The following MAGI3 variants were observed in gnomAD, a reference collection of about 807,000 sequenced individuals.
MAGI3 encodes membrane associated guanylate kinase, WW and PDZ domain containing 3, also known as membrane-associated guanylate kinase, WW and PDZ domain-containing protein 3.
A neutral mutation model predicts 121.8 loss-of-function variants in MAGI3; 43 were observed. That is an observed-to-expected ratio of 0.35 (90% CI 0.28 to 0.46). The LOEUF (loss-of-function observed/expected upper bound fraction) is 0.46, where lower values mean the gene tolerates loss of function less well. Ranked by LOEUF, MAGI3 falls within the 20% of genes least tolerant of loss-of-function variation. The probability of loss-of-function intolerance (pLI) is 1.00; values close to 1 mark genes in which losing one functional copy is unlikely to be tolerated. For synonymous variants in MAGI3, 553 were observed against 639.3 expected (o/e 0.86, Z 2.04); for missense variants, 1,547 against 1,797.3 (o/e 0.86, Z 2.52).
intron 1 of MAGI3, among the ~76,000 whole-genome samples, chr1:113,437,778 TTTC>T (rs1290331448): frequency 6.0e-5 from 9 of 151,240 alleles, no homozygotes; most frequent in South Asian, 2.1e-4. Context: ...TTCTTCCTTC[TTTC>T]TTCTTCTTCC....
intron 1 of MAGI3, among the ~76,000 whole-genome samples, chr1:113,437,907 TCTC>T (rs1653702286): frequency 1.4e-4 from 1 of 7,364 alleles, no homozygotes; most frequent in Non-Finnish European, 2.9e-4. Context: ...TCCTTCTCCT[TCTC>T]CTTCTCCTTC....
chr1:113,623,766 C>T (rs1466594079), intron 9 of MAGI3, among the ~76,000 whole-genome samples: 1 of 152,010 alleles, frequency 6.6e-6, no homozygotes, highest in East Asian at 1.9e-4. Context: ...AGATTACAGA[C>T]GTGAGCCACA....
chr1:113,637,262 T>A (rs1449135676), intron 9 of MAGI3, among the ~76,000 whole-genome samples: 1 of 152,234 alleles, frequency 6.6e-6, no homozygotes, highest in Non-Finnish European at 1.5e-5. Flanking sequence ...GTGAATTTGA[T>A]CCTGTCATTA....
intron 5 of MAGI3, 83 bp from the exon 6 acceptor site, chr1:113,594,389 ATCATGTCTT>A: frequency 1.4e-6 from 1 of 724,630 alleles, no homozygotes; most frequent in Non-Finnish European, 2.1e-6. Context: ...ATGTTCAAAC[ATCATGTCTT>A]TTAGTCACTT....
At chr1:113,512,489 A>G (rs1657666833) in intron 1 of MAGI3, among the ~76,000 whole-genome samples, 1 of 152,172 alleles carries the variant, frequency 6.6e-6, no homozygotes, top group Admixed American at 6.5e-5. Flanking sequence ...AGTTTGTTGC[A>G]TTTGTAAGGG....
chr1:113,526,980 C>G (rs1387665884), intron 1 of MAGI3, among the ~76,000 whole-genome samples: 1 of 152,108 alleles, frequency 6.6e-6, no homozygotes, highest in Non-Finnish European at 1.5e-5. Flanking sequence ...TTCTCCCCAT[C>G]TGTAAAATGG....
At chr1:113,574,712 C>T (rs1390793642) in intron 2 of MAGI3, among the ~76,000 whole-genome samples, 2 of 152,088 alleles carry the variant, frequency 1.3e-5, no homozygotes, top group East Asian at 3.9e-4. Flanking sequence ...CTCTATATTT[C>T]CTGAATTTGA....
chr1:113,577,432 G>C (rs147237468), intron 2 of MAGI3, among the ~76,000 whole-genome samples: 1 of 152,068 alleles, frequency 6.6e-6, no homozygotes, highest in Admixed American at 6.6e-5. Flanking sequence ...AGAACTCTTC[G>C]GAGCAATTTT....
In MAGI3 at chr1:113,549,600, C is replaced by T; in HGVS notation, c.402C>T (p.Ile134=). The T allele has an allele frequency of 6.2e-7, 1 of 1,603,088 alleles. No homozygotes were observed. Among genetic ancestry groups the T allele is most frequent in the East Asian group, 2.2e-5 (1 of 44,674 alleles). The change falls in exon 2 of 21, where the codon ATC becomes ATT. Residue 134 remains isoleucine (I), a synonymous_variant. Transcript: ENST00000307546. Reference sequence around the variant, plus strand: ...TTGACCACAAACTGCAGCAAGTGATCAGAGATAATCTCTACTTGAGAACCA... The same window carrying T: ...TTGACCACAAACTGCAGCAAGTGATTAGAGATAATCTCTACTTGAGAACCA... ...GSIDHKLQQV[I]RDNLYLRTIP... is the part of the protein sequence containing the mutation.
At chr1:113,478,749 T>C (rs1260547178) in intron 1 of MAGI3, among the ~76,000 whole-genome samples, 1 of 152,220 alleles carries the variant, frequency 6.6e-6, no homozygotes, top group African/African-American at 2.4e-5. Context: ...AGAGCTCAAA[T>C]GCTGTGCTGG....
chr1:113,457,008 A>G (rs1654793245), intron 1 of MAGI3, among the ~76,000 whole-genome samples: 1 of 152,236 alleles, frequency 6.6e-6, no homozygotes, highest in Non-Finnish European at 1.5e-5. Context: ...TTTTGGAATT[A>G]GTAAGAATAG....
At chr1:113,473,636 T>C (rs12026005) in intron 1 of MAGI3, among the ~76,000 whole-genome samples, 23,178 of 152,134 alleles carry the variant, frequency 0.15, 2,797 homozygotes, top group East Asian at 0.63. Flanking sequence ...ATGGTGTATA[T>C]GTGCCACATT....
rs1193055858 is a variant in MAGI3, at chr1:113,651,005, T to C, written c.2248-9T>C. ...CTGTGGACCAAACTGTACTTTGTTA[T>C]CTTATCAGATATATATTGGGGCTAT... On this transcript the variant is annotated splice_polypyrimidine_tract_variant and intron_variant, in intron 13 of 20. Transcript: ENST00000307546. The C allele has an allele frequency of 6.2e-7, 1 of 1,611,884 alleles. No individual in the cohort carries two copies. The highest frequency in any genetic ancestry group is 8.5e-7 in the Non-Finnish European group (1 of 1,179,116).
intron 8 of MAGI3, among the ~76,000 whole-genome samples, chr1:113,622,152 C>T (rs937789237): frequency 6.6e-6 from 1 of 152,032 alleles, no homozygotes; most frequent in Non-Finnish European, 1.5e-5. Flanking sequence ...CATTTAAAAT[C>T]TTTTTTACAG....
At chr1:113,601,665 G>A (rs938197955) in intron 6 of MAGI3, among the ~76,000 whole-genome samples, 1 of 146,702 alleles carries the variant, frequency 6.8e-6, no homozygotes, top group Non-Finnish European at 1.5e-5. Flanking sequence ...TCAGTGTGGC[G>A]ATTCCTCAGG....
chr1:113,589,245 G>A (rs1350256931), intron 4 of MAGI3, among the ~76,000 whole-genome samples: 3 of 152,056 alleles, frequency 2.0e-5, no homozygotes, highest in Non-Finnish European at 4.4e-5. Flanking sequence ...ATGGTTTAAG[G>A]AGAAAGAAGG....
intron 1 of MAGI3, among the ~76,000 whole-genome samples, chr1:113,438,454 A>C (rs2101449637): frequency 6.6e-6 from 1 of 152,288 alleles, no homozygotes. Context: ...TTGCAGTTTG[A>C]GGTGCTATAT....
At chr1:113,568,889 A>C (rs946098703) in intron 2 of MAGI3, among the ~76,000 whole-genome samples, 1 of 152,116 alleles carries the variant, frequency 6.6e-6, no homozygotes, top group African/African-American at 2.4e-5. Context: ...ATTTTTTTCA[A>C]CTAGACACAA....
chr1:113,509,228 C>A (rs1657491871), intron 1 of MAGI3, among the ~76,000 whole-genome samples: 1 of 151,968 alleles, frequency 6.6e-6, no homozygotes, highest in African/African-American at 2.4e-5. Context: ...TAAAAAAACC[C>A]CACTAACAAC....
Sources: gnomAD v4.1 joint callset for allele counts (sites outside exome capture counted in the v4.1 genomes callset) on GRCh38, gnomAD v4.1.1 for gene constraint, MANE v1.5 for transcripts, NCBI Gene and HGNC (gene_info 2026-07-23, HGNC 2026-07-21) for gene names.